Variants in RFC1 observed in about 807,000 individuals in gnomAD.
The protein encoded by RFC1 is replication factor C subunit 1, also known as A1 140 kDa subunit.
A neutral mutation model predicts 137.4 loss-of-function variants in RFC1; 37 were observed. The observed-to-expected ratio is 0.27, with a 90% CI of 0.21 to 0.35. RFC1 has a LOEUF of 0.35. RFC1 is among the 10% of genes least tolerant of loss of function. The probability of loss-of-function intolerance (pLI) is 1.00; values close to 1 mark genes in which losing one functional copy is unlikely to be tolerated. For synonymous variants in RFC1, 429 were observed against 455.7 expected, an observed-to-expected ratio of 0.94 and a Z score of 0.75; for missense variants, 1,205 against 1,358.5, an observed-to-expected ratio of 0.89 and a Z score of 1.78.
chr4:39,343,180 G>A (rs967726132), intron 3 of RFC1, among the ~76,000 whole-genome samples: 2 of 152,022 alleles, frequency 1.3e-5, no homozygotes, highest in African/African-American at 4.8e-5. Flanking sequence ...GTGCCACCAC[G>A]CCCAGATAAT....
At chr4:39,337,393 A>C (rs1242864012) in intron 4 of RFC1, among the ~76,000 whole-genome samples, 7 of 151,116 alleles carry the variant, frequency 4.6e-5, no homozygotes, top group Admixed American at 1.3e-4. Context: ...AAAAAAGAAA[A>C]AGCAAGCTGT....
chr4:39,301,088 GA>G (rs35681684), intron 19 of RFC1, among the ~76,000 whole-genome samples: 62,065 of 140,466 alleles, frequency 0.44, 13,351 homozygotes, highest in African/African-American at 0.51. Context: ...GCAAGACTCC[GA>G]AAAAAAAAAA....
intron 1 of RFC1, among the ~76,000 whole-genome samples, chr4:39,353,654 T>C (rs1377539183): frequency 1.3e-5 from 2 of 152,164 alleles, no homozygotes; most frequent in East Asian, 1.9e-4. Context: ...AACTACTTTA[T>C]TGCTTCTGGA....
chr4:39,306,043 T>A (rs1286969415), intron 14 of RFC1, among the ~76,000 whole-genome samples: 1 of 152,226 alleles, frequency 6.6e-6, no homozygotes, highest in Non-Finnish European at 1.5e-5. Context: ...TGAACTCTGA[T>A]CTGCTCTAGT....
At chr4:39,351,604 T>C (rs1741207357) in intron 1 of RFC1, 128 bp from the exon 2 acceptor site, 1 of 679,416 alleles carries the variant, frequency 1.5e-6, no homozygotes, top group African/African-American at 1.9e-5. Context: ...ACCAAGATAG[T>C]TCCACGAATA....
At position 39,320,076 on chromosome 4, in the gene RFC1, G is replaced by A. The variant is rs113677314; in HGVS notation, c.1095+307C>T. The stretch of plus-strand genomic sequence containing the variant: ...TAGAAAGTTCCTACCAAGGCCGGGC[G>A]CGGTGGCTCACACCTGTAATCCCAG... On this transcript the variant is annotated intron_variant, in intron 9 of 24. Transcript: ENST00000349703. Among the ~76,000 whole-genome samples, 674 of 152,290 alleles carry A rather than the reference G, an allele frequency of 4.4e-3. 5 individuals are homozygous for A. Among genetic ancestry groups the A allele is most frequent in the African/African-American group, 0.015 (633 of 41,538 alleles).
chr4:39,320,814 T>C (rs892289544), intron 8 of RFC1, 145 bp from the exon 9 acceptor site: 2 of 653,100 alleles, frequency 3.1e-6, no homozygotes, highest in East Asian at 6.3e-5. Flanking sequence ...CATCTGTTTA[T>C]AGTAAATCTA....
At chr4:39,358,514 G>A (rs971026086) in intron 1 of RFC1, among the ~76,000 whole-genome samples, 2 of 152,080 alleles carry the variant, frequency 1.3e-5, no homozygotes, top group African/African-American at 2.4e-5. Context: ...AAAACGCACC[G>A]TGAGCCACGC....
intron 1 of RFC1, among the ~76,000 whole-genome samples, chr4:39,364,857 TA>T (rs1288956839): frequency 6.6e-6 from 1 of 152,176 alleles, no homozygotes; most frequent in Admixed American, 6.6e-5. Context: ...ACGTAACTAT[TA>T]AACTAGACTA....
chr4:39,341,671 G>A (rs890019688), intron 4 of RFC1: 18 of 455,858 alleles, frequency 3.9e-5, no homozygotes, highest in African/African-American at 3.4e-4. Context: ...CTCCTCTAAG[G>A]GTTAACAACA....
chr4:39,337,141 G>A (rs377070672), intron 4 of RFC1, among the ~76,000 whole-genome samples: 1 of 152,138 alleles, frequency 6.6e-6, no homozygotes, highest in African/African-American at 2.4e-5. Flanking sequence ...TTGGGAGGCC[G>A]AGGCAGGCGG....
chr4:39,328,748 C>A (rs7685045), intron 4 of RFC1, among the ~76,000 whole-genome samples: 1 of 151,996 alleles, frequency 6.6e-6, no homozygotes, highest in Non-Finnish European at 1.5e-5. Flanking sequence ...CTGGAGAATT[C>A]TGAGAATAGT....
At chr4:39,337,470 G>GTA (rs966939470) in intron 4 of RFC1, among the ~76,000 whole-genome samples, 1 of 144,472 alleles carries the variant, frequency 6.9e-6, no homozygotes, top group Non-Finnish European at 1.5e-5. Flanking sequence ...GTGTGTGTGT[G>GTA]TGTAACATTT....
At chr4:39,334,248 A>C (rs1740247155) in intron 4 of RFC1, among the ~76,000 whole-genome samples, 1 of 152,192 alleles carries the variant, frequency 6.6e-6, no homozygotes, top group African/African-American at 2.4e-5. Context: ...ATGGTACCCT[A>C]TAAGCCACAG....
Position 39,366,339 on chromosome 4 carries a change from C to G in RFC1, c.-98G>C. On this transcript the variant is annotated 5_prime_UTR_variant, in exon 1 of 25. Transcript: ENST00000349703. The stretch of plus-strand genomic sequence containing the variant: ...ATCCATTCGCGCCAACAACTTCTCC[C>G]GCGAAGTGCAAGAAGGCGAAGACAG... 1 of 1,341,334 alleles carries G rather than the reference C, an allele frequency of 7.5e-7. No homozygotes were observed. The highest frequency in any genetic ancestry group is 1.5e-5 in the African/African-American group (1 of 65,998). 83.1% of individuals were successfully genotyped at this position (1,341,334 alleles called of 1,614,324 possible).
At chr4:39,303,939 T>C (rs1738502212) in intron 15 of RFC1, among the ~76,000 whole-genome samples, 1 of 152,258 alleles carries the variant, frequency 6.6e-6, no homozygotes, top group African/African-American at 2.4e-5. Context: ...ATGACTATCC[T>C]TATCTATATG....
chr4:39,351,281 A>G, intron 2 of RFC1, 67 bp downstream of exon 2: 1 of 547,982 alleles, frequency 1.8e-6, no homozygotes, highest in South Asian at 2.9e-5. Flanking sequence ...AAAAAAAAAA[A>G]AAAACTTATA....
chr4:39,329,287 G>C (rs1739965056), intron 4 of RFC1, among the ~76,000 whole-genome samples: 1 of 151,866 alleles, frequency 6.6e-6, no homozygotes, highest in Non-Finnish European at 1.5e-5. Context: ...GATTGCTTGA[G>C]CCTGGGAATT....
intron 13 of RFC1, 125 bp from the exon 14 acceptor site, chr4:39,306,826 C>A: frequency 1.6e-6 from 1 of 643,772 alleles, no homozygotes; most frequent in Non-Finnish European, 2.8e-6. Context: ...TCTAAATTTG[C>A]AGACTATTTT....
Sources: gnomAD v4.1 joint callset for allele counts (sites outside exome capture counted in the v4.1 genomes callset) on GRCh38, gnomAD v4.1.1 for gene constraint, MANE v1.5 for transcripts, NCBI Gene and HGNC (gene_info 2026-07-23, HGNC 2026-07-21) for gene names.